The following KCTD16 variants were observed in gnomAD, a reference collection of about 807,000 sequenced individuals.
KCTD16 encodes BTB/POZ domain-containing protein KCTD16.
A neutral mutation model predicts 33.2 loss-of-function variants in KCTD16; 13 were observed. The observed-to-expected ratio is 0.39, with a 90% CI of 0.25 to 0.62. The LOEUF is 0.62. KCTD16 is among the 20% of genes least tolerant of loss of function. The pLI is 0.50. For missense variants in KCTD16, 441 were observed against 525.1 expected, an observed-to-expected ratio of 0.84 and a Z score of 1.57; for synonymous variants, 197 against 195.3, an observed-to-expected ratio of 1.01 and a Z score of -0.07.
At chr5:144,384,045 C>T (rs1174906518) in intron 3 of KCTD16, 12 of 152,078 alleles carry the variant, frequency 7.9e-5, no homozygotes, top group Admixed American at 1.3e-4. Flanking sequence ...AGTCTTTGTG[C>T]AATGGAATAA....
At chr5:144,299,068 A>ATT (rs1208107028) in intron 3 of KCTD16, among the ~76,000 whole-genome samples, 2 of 79,472 alleles carry the variant, frequency 2.5e-5, no homozygotes, top group East Asian at 2.8e-4. Flanking sequence ...ATATATATAT[A>ATT]TATATTTTTG....
At chr5:144,393,155 C>T (rs6580317) in intron 3 of KCTD16, among the ~76,000 whole-genome samples, 125,961 of 152,128 alleles carry the variant, frequency 0.83, 52,744 homozygotes, top group African/African-American at 0.96. Context: ...GTTGGTAGAA[C>T]TATAGCTCAT....
rs1036723515 is a variant in KCTD16, at chr5:144,384,563, T to C, written c.833-89097T>C. On this transcript the variant is annotated intron_variant, in intron 3 of 3. Coordinates refer to ENST00000512467, the MANE Select transcript of KCTD16 (RefSeq NM_020768.4). ...TTTTATTTATTATAACATTGTTTTA[T>C]TACATCTTCCAAAGTACATTACCTA... is the stretch of plus-strand genomic sequence containing the variant. 2.6e-5 allele frequency among the ~76,000 whole-genome samples: 4 copies of C among 152,320 alleles called. No individual in the cohort carries two copies. In the Middle Eastern group the frequency reaches 0.01, roughly 389 times the overall value.
intron 3 of KCTD16, among the ~76,000 whole-genome samples, chr5:144,266,102 A>T (rs1167519704): frequency 1.3e-5 from 2 of 152,168 alleles, no homozygotes; most frequent in African/African-American, 4.8e-5. Flanking sequence ...TGCCTCTGAG[A>T]GGTTGGGGAC....
intron 3 of KCTD16, among the ~76,000 whole-genome samples, chr5:144,314,149 A>G (rs1249428066): frequency 6.6e-6 from 1 of 152,186 alleles, no homozygotes; most frequent in Non-Finnish European, 1.5e-5. Flanking sequence ...CTTAGAACAA[A>G]AGAGGCTTGA....
At chr5:144,431,624 G>A (rs1753464760) in intron 3 of KCTD16, among the ~76,000 whole-genome samples, 1 of 152,108 alleles carries the variant, frequency 6.6e-6, no homozygotes, top group Admixed American at 6.6e-5. Flanking sequence ...TCTGTGAGAG[G>A]AGCCAAGAAA....
At chr5:144,375,512 G>T (rs1368318848) in intron 3 of KCTD16, among the ~76,000 whole-genome samples, 3 of 152,090 alleles carry the variant, frequency 2.0e-5, no homozygotes, top group Non-Finnish European at 4.4e-5. Flanking sequence ...CTGGGACATG[G>T]GTATGATAAT....
intron 3 of KCTD16, among the ~76,000 whole-genome samples, chr5:144,237,498 T>C (rs1479827033): frequency 6.6e-6 from 1 of 152,110 alleles, no homozygotes; most frequent in East Asian, 1.9e-4. Flanking sequence ...GGTCACTTTT[T>C]CCTAGTCATT....
chr5:144,431,506 G>A (rs1279137350), intron 3 of KCTD16, among the ~76,000 whole-genome samples: 2 of 152,108 alleles, frequency 1.3e-5, no homozygotes, highest in Non-Finnish European at 2.9e-5. Flanking sequence ...TAACTCAGTT[G>A]ATTTTAACAG....
At chr5:144,405,872 C>T (rs940221001) in intron 3 of KCTD16, among the ~76,000 whole-genome samples, 5 of 152,132 alleles carry the variant, frequency 3.3e-5, no homozygotes, top group African/African-American at 1.2e-4. Context: ...TTATCTTTCC[C>T]AAGTAGCTAT....
At chr5:144,238,339 CA>C (rs1754310516) in intron 3 of KCTD16, among the ~76,000 whole-genome samples, 2 of 152,104 alleles carry the variant, frequency 1.3e-5, no homozygotes, top group Non-Finnish European at 2.9e-5. Flanking sequence ...ACTTCTTTCT[CA>C]ATGTCCCTTA....
chr5:144,396,522 TTGG>T (rs1752570437), intron 3 of KCTD16, among the ~76,000 whole-genome samples: 1 of 152,182 alleles, frequency 6.6e-6, no homozygotes, highest in Non-Finnish European at 1.5e-5. Flanking sequence ...GGGAAAACTA[TTGG>T]TGGACTAAAT....
chr5:144,325,666 G>A (rs1007794444), intron 3 of KCTD16, among the ~76,000 whole-genome samples: 1 of 152,166 alleles, frequency 6.6e-6, no homozygotes, highest in Middle Eastern at 3.4e-3. Context: ...TGGGTATGAC[G>A]TGCTCTGAAA....
intron 3 of KCTD16, among the ~76,000 whole-genome samples, chr5:144,470,485 T>C (rs1206938790): frequency 6.6e-6 from 1 of 152,328 alleles, no homozygotes; most frequent in East Asian, 1.9e-4. Context: ...TTGGATCAGC[T>C]GGATGGGGCC....
intron 3 of KCTD16, among the ~76,000 whole-genome samples, chr5:144,372,295 T>C (rs1751986587): frequency 6.6e-6 from 1 of 152,110 alleles, no homozygotes; most frequent in South Asian, 2.1e-4. Context: ...GTATACCCTA[T>C]GGTGGTTTCA....
chr5:144,363,643 G>A (rs1054568896), intron 3 of KCTD16, among the ~76,000 whole-genome samples: 5 of 152,092 alleles, frequency 3.3e-5, no homozygotes, highest in African/African-American at 1.2e-4. Flanking sequence ...GGAGTTTTCA[G>A]GGAGAACAAT....
chr5:144,359,116 A>C (rs771378340), intron 3 of KCTD16, among the ~76,000 whole-genome samples: 1 of 152,230 alleles, frequency 6.6e-6, no homozygotes, highest in Non-Finnish European at 1.5e-5. Flanking sequence ...CTGACGACGC[A>C]GTCATACCCA....
At chr5:144,430,794 C>T (rs1753441012) in intron 3 of KCTD16, among the ~76,000 whole-genome samples, 1 of 151,592 alleles carries the variant, frequency 6.6e-6, no homozygotes, top group Admixed American at 6.6e-5. Flanking sequence ...AGCCTCCCAT[C>T]TCTCCAACCA....
intron 3 of KCTD16, among the ~76,000 whole-genome samples, chr5:144,356,552 TGGAAGAAGG>T (rs528756242): frequency 1.0e-3 from 156 of 152,274 alleles, no homozygotes; most frequent in African/African-American, 3.7e-3. Flanking sequence ...TACTGCCCAT[TGGAAGAAGG>T]GGTCCAGTTC....
Sources: gnomAD v4.1 joint callset for allele counts (sites outside exome capture counted in the v4.1 genomes callset) on GRCh38, gnomAD v4.1.1 for gene constraint, MANE v1.5 for transcripts, NCBI Gene and HGNC (gene_info 2026-07-23, HGNC 2026-07-21) for gene names.